ZFHX3: variants seen among roughly 807,000 people sequenced by gnomAD.
ZFHX3 encodes zinc finger homeobox 3.
A neutral mutation model predicts 279.1 loss-of-function variants in ZFHX3; 42 were observed. The observed-to-expected ratio is 0.15, with a 90% CI of 0.12 to 0.19. The LOEUF is 0.19. ZFHX3 is among the 10% of genes least tolerant of loss of function. The pLI, the probability that ZFHX3 is intolerant of heterozygous loss-of-function variation, is 1.00. For synonymous variants in ZFHX3, 2,293 were observed against 1,957.8 expected, an observed-to-expected ratio of 1.17 and a Z score of -4.52; for missense variants, 4,981 against 4,754.0, an observed-to-expected ratio of 1.05 and a Z score of -1.40.
intron 7 of ZFHX3, among the ~76,000 whole-genome samples, chr16:73,125,702 G>C (rs1262871792): frequency 2.0e-5 from 3 of 151,998 alleles, no homozygotes; most frequent in Admixed American, 2.0e-4. Flanking sequence ...ACTTGGACTG[G>C]CTCTCCTTGC....
rs1274620713 is a variant in ZFHX3, at chr16:72,797,226, C to A, written c.5456G>T (p.Ser1819Ile). 1 of 1,613,860 alleles carries A rather than the reference C, an allele frequency of 6.2e-7. No individual in the cohort carries two copies. Among genetic ancestry groups the A allele is most frequent in the East Asian group, 2.2e-5 (1 of 44,856 alleles). Residue 1819 changes from serine to isoleucine, a missense_variant, in exon 9 of 10, where the codon AGT becomes ATT. Physicochemically the swap from Ser to Ile is moderately radical, Grantham distance 142 (BLOSUM62 -2). Coordinates refer to ENST00000268489, the MANE Select transcript of ZFHX3 (RefSeq NM_006885.4). ...TGTCCCAGTCAGTGTCAGTGCCCCACTGGTCACTGGCAAGCTCACCTCGGG... is the reference window on the plus strand; with the variant it reads ...TGTCCCAGTCAGTGTCAGTGCCCCAATGGTCACTGGCAAGCTCACCTCGGG... The part of the protein sequence containing the change: ...LNPEVSLPVT[S>I]GALTLTGTGP...
At chr16:73,043,885 T>C (rs1202646104) in intron 1 of ZFHX3, among the ~76,000 whole-genome samples, 4 of 152,130 alleles carry the variant, frequency 2.6e-5, no homozygotes, top group Non-Finnish European at 5.9e-5. Context: ...CCTCTGACAG[T>C]TGTTGATTTT....
intron 2 of ZFHX3, among the ~76,000 whole-genome samples, chr16:73,660,479 T>A (rs377667858): frequency 3.3e-5 from 5 of 152,338 alleles, no homozygotes; most frequent in African/African-American, 1.2e-4. Flanking sequence ...TATCAATCCT[T>A]CCTGCTCCTT....
chr16:73,772,958 C>T (rs1244192890), intron 1 of ZFHX3, among the ~76,000 whole-genome samples: 1 of 152,200 alleles, frequency 6.6e-6, no homozygotes, highest in Non-Finnish European at 1.5e-5. Context: ...AACTCAGAAG[C>T]ATTTGTTTTT....
At chr16:72,949,915 T>TTC (rs1960898354) in intron 3 of ZFHX3, among the ~76,000 whole-genome samples, 1 of 138,516 alleles carries the variant, frequency 7.2e-6, no homozygotes, top group African/African-American at 2.5e-5. Flanking sequence ...TCTTTTCTTT[T>TTC]TTTTTTTTTT....
intron 2 of ZFHX3, among the ~76,000 whole-genome samples, chr16:73,560,090 C>G (rs2020347651): frequency 6.6e-6 from 1 of 152,198 alleles, no homozygotes; most frequent in Non-Finnish European, 1.5e-5. Flanking sequence ...TGATCGGGAG[C>G]TTGTCTGTCA....
intron 1 of ZFHX3, among the ~76,000 whole-genome samples, chr16:73,788,880 A>G (rs1221374760): frequency 1.3e-5 from 2 of 151,714 alleles, no homozygotes; most frequent in Non-Finnish European, 2.9e-5. Flanking sequence ...AGGCTGAGGC[A>G]GGAGATCCGC....
At chr16:73,657,570 A>G (rs1567544308) in intron 2 of ZFHX3, among the ~76,000 whole-genome samples, 1 of 152,180 alleles carries the variant, frequency 6.6e-6, no homozygotes, top group Non-Finnish European at 1.5e-5. Context: ...TAAGAAACCT[A>G]GTACCCTTTA....
rs773148799 is a variant in ZFHX3, at chr16:72,958,545, G to A, written c.1601C>T (p.Pro534Leu). 1.5e-5 allele frequency: 25 copies of A among 1,613,940 alleles called. No individual in the cohort carries two copies. Among genetic ancestry groups the A allele is most frequent in the Non-Finnish European group, 1.9e-5 (23 of 1,180,032 alleles). The change falls in exon 2 of 10, where the codon CCC (proline) becomes CTC (leucine). Residue 534 changes from proline to leucine, a missense_variant. Physicochemically the swap from Pro to Leu is moderately conservative, Grantham distance 98. This residue lies in a region of ZFHX3 where 1,068 missense variants were observed against 935.2 expected (regional missense o/e 1.14). Coordinates refer to ENST00000268489, the MANE Select transcript of ZFHX3 (RefSeq NM_006885.4). ...GGTCTGGAGCACGTTAGGCATTAAG[G>A]GGGAGTTAGAAATGCTTTGGTTTGA... is the stretch of plus-strand genomic sequence containing the variant. ...ALSNQSISNS[P>L]LMPNVLQTLS... is the part of the protein sequence containing the mutation.
At chr16:72,798,844 G>A (rs1597245813) in intron 8 of ZFHX3, 130 bp from the exon 9 acceptor site, 19 of 1,405,538 alleles carry the variant, frequency 1.4e-5, no homozygotes, top group Non-Finnish European at 1.7e-5. Flanking sequence ...TGCCCAACCT[G>A]AATGACAGAA....
intron 1 of ZFHX3, among the ~76,000 whole-genome samples, chr16:73,007,740 C>T (rs1274280000): frequency 5.3e-5 from 8 of 152,110 alleles, no homozygotes; most frequent in Admixed American, 1.3e-4. Context: ...TGAGCCACCG[C>T]GCAAGGCCAG....
At chr16:72,989,170 T>C (rs1475906723) in intron 1 of ZFHX3, among the ~76,000 whole-genome samples, 1 of 146,426 alleles carries the variant, frequency 6.8e-6, no homozygotes, top group Non-Finnish European at 1.5e-5. Context: ...CAAGACGCTG[T>C]CTCAAATTAA....
At chr16:73,056,916 C>G (rs1364640411) in intron 1 of ZFHX3, among the ~76,000 whole-genome samples, 1 of 152,176 alleles carries the variant, frequency 6.6e-6, no homozygotes, top group Non-Finnish European at 1.5e-5. Flanking sequence ...AATAAATCCT[C>G]AATTGTCCCC....
intron 2 of ZFHX3, among the ~76,000 whole-genome samples, chr16:73,510,239 C>T (rs1219024903): frequency 6.6e-6 from 1 of 152,158 alleles, no homozygotes; most frequent in Non-Finnish European, 1.5e-5. Flanking sequence ...CAATCTGACA[C>T]TTGCCTGTTT....
intron 2 of ZFHX3, among the ~76,000 whole-genome samples, chr16:73,657,364 G>A (rs1294077736): frequency 6.6e-6 from 1 of 152,194 alleles, no homozygotes; most frequent in Admixed American, 6.5e-5. Flanking sequence ...GGCTGAGGCA[G>A]GGAGAATCAC....
chr16:73,703,631 G>A (rs1350498798), intron 1 of ZFHX3, among the ~76,000 whole-genome samples: 1 of 152,048 alleles, frequency 6.6e-6, no homozygotes, highest in Non-Finnish European at 1.5e-5. Context: ...TCGGTAGACT[G>A]TGCCTACCTG....
In ZFHX3 at chr16:72,999,817, T is replaced by C. The variant is rs142150664; in HGVS notation, c.-49-39623A>G. On this transcript the variant is annotated intron_variant, in intron 1 of 9. Transcript: ENST00000268489. Reference sequence around the variant, plus strand: ...CACCATAAGTACATACTTCACTCTCTCCGCTCAGCAGCTGCACCTGCCCTA... The same window carrying C: ...CACCATAAGTACATACTTCACTCTCCCCGCTCAGCAGCTGCACCTGCCCTA... 1.7e-3 allele frequency among the ~76,000 whole-genome samples: 263 copies of C among 152,294 alleles called. 2 individuals carry two copies. Among genetic ancestry groups the C allele is most frequent in the African/African-American group, 6.2e-3 (256 of 41,548 alleles).
At chr16:72,990,638 T>C (rs1034515020) in intron 1 of ZFHX3, among the ~76,000 whole-genome samples, 1 of 152,198 alleles carries the variant, frequency 6.6e-6, no homozygotes, top group African/African-American at 2.4e-5. Context: ...TGTCTAATAA[T>C]GTACCCAACA....
At chr16:73,372,426 T>C (rs2016646864) in intron 3 of ZFHX3, among the ~76,000 whole-genome samples, 1 of 152,192 alleles carries the variant, frequency 6.6e-6, no homozygotes, top group African/African-American at 2.4e-5. Flanking sequence ...CACGAAGCTC[T>C]TGCCAGAAAA....
Sources: gnomAD v4.1 joint callset for allele counts (sites outside exome capture counted in the v4.1 genomes callset) on GRCh38, gnomAD v4.1.1 for gene constraint, gnomAD v4.1.1 regional missense constraint, MANE v1.5 for transcripts, NCBI Gene and HGNC (gene_info 2026-07-23, HGNC 2026-07-21) for gene names.